The following KLF12 variants were observed in gnomAD, a reference collection of about 807,000 sequenced individuals.
The protein encoded by KLF12 is KLF transcription factor 12, also known as Krueppel-like factor 12.
Under a neutral mutation model 37.8 loss-of-function variants are expected in KLF12, and 9 were observed. The ratio of observed to expected loss-of-function variants is 0.24; its 90% CI spans 0.14 to 0.42. The LOEUF is 0.42. Among genes scored for constraint, KLF12 ranks in the 10% least tolerant of loss-of-function variants. KLF12 has a pLI of 1.00. For missense variants in KLF12, 411 were observed against 516.0 expected, an observed-to-expected ratio of 0.80 and a Z score of 1.97; for synonymous variants, 208 against 202.1, an observed-to-expected ratio of 1.03 and a Z score of -0.25.
At chr13:73,832,264 A>T (rs1305495209) in intron 4 of KLF12, among the ~76,000 whole-genome samples, 1 of 152,108 alleles carries the variant, frequency 6.6e-6, no homozygotes, top group Admixed American at 6.5e-5. Context: ...AAACACTCCT[A>T]CCTACTTTGA....
the KLF12 span, among the ~76,000 whole-genome samples, chr13:74,216,234 A>C: frequency 3.9e-5 from 6 of 152,218 alleles, no homozygotes; most frequent in Non-Finnish European, 7.3e-5. Context: ...ACTTTTAAAA[A>C]GTCTTTTTAA....
chr13:74,088,479 C>A (rs955075946), intron 1 of KLF12, among the ~76,000 whole-genome samples: 10 of 152,148 alleles, frequency 6.6e-5, no homozygotes, highest in Non-Finnish European at 2.9e-5. Flanking sequence ...CCGCCCACCA[C>A]AGCTTCCCAA....
At chr13:74,299,169 A>T in the KLF12 span, among the ~76,000 whole-genome samples, 1 of 152,176 alleles carries the variant, frequency 6.6e-6, no homozygotes, top group Non-Finnish European at 1.5e-5. Flanking sequence ...AAATAGCAGC[A>T]TGTTTAGTAT....
At chr13:73,772,200 A>C (rs1314916361) in intron 5 of KLF12, among the ~76,000 whole-genome samples, 1 of 152,202 alleles carries the variant, frequency 6.6e-6, no homozygotes, top group Non-Finnish European at 1.5e-5. Context: ...TTACTTACTC[A>C]TTAATTCAAA....
At chr13:74,074,735 G>A (rs1031364968) in intron 1 of KLF12, among the ~76,000 whole-genome samples, 1 of 152,142 alleles carries the variant, frequency 6.6e-6, no homozygotes, top group African/African-American at 2.4e-5. Flanking sequence ...AGATTATGGA[G>A]GATTCATGGA....
chr13:73,870,199 T>C (rs2138867283), intron 3 of KLF12, among the ~76,000 whole-genome samples: 1 of 152,318 alleles, frequency 6.6e-6, no homozygotes, highest in East Asian at 1.9e-4. Context: ...TCTTCCTTCT[T>C]ATTCAGAACA....
At chr13:73,829,241 A>G (rs776368757) in intron 4 of KLF12, among the ~76,000 whole-genome samples, 19 of 152,240 alleles carry the variant, frequency 1.2e-4, no homozygotes, top group Admixed American at 5.9e-4. Flanking sequence ...TCCCGGGTAA[A>G]GCAAAAGGCT....
At chr13:74,221,064 G>C in the KLF12 span, among the ~76,000 whole-genome samples, 1 of 151,128 alleles carries the variant, frequency 6.6e-6, no homozygotes, top group African/African-American at 2.4e-5. Context: ...GAGTGCAGTG[G>C]TGCTATCTCG....
At chr13:74,137,418 A>G (rs926250772), upstream of KLF12, among the ~76,000 whole-genome samples, 2 of 152,226 alleles carry the variant, frequency 1.3e-5, no homozygotes, top group Admixed American at 6.5e-5. Flanking sequence ...AACTATATAT[A>G]AAAACTTCAT....
At chr13:74,049,766 G>A (rs1371287107) in intron 1 of KLF12, among the ~76,000 whole-genome samples, 2 of 152,116 alleles carry the variant, frequency 1.3e-5, no homozygotes, top group African/African-American at 4.8e-5. Context: ...GATAAGAACA[G>A]CATCAACCAA....
At chr13:74,269,320 C>G in the KLF12 span, among the ~76,000 whole-genome samples, 4 of 152,280 alleles carry the variant, frequency 2.6e-5, no homozygotes, top group East Asian at 7.7e-4. Flanking sequence ...ACATATTTAA[C>G]TAATCTACCT....
At chr13:73,744,382 T>G (rs1432828562) in intron 6 of KLF12, among the ~76,000 whole-genome samples, 19 of 152,196 alleles carry the variant, frequency 1.2e-4, no homozygotes, top group Non-Finnish European at 1.5e-5. Context: ...TGTGAATTTC[T>G]CATGAGGGCA....
chr13:73,918,340 G>T (rs1888946199), intron 3 of KLF12, among the ~76,000 whole-genome samples: 1 of 151,852 alleles, frequency 6.6e-6, no homozygotes. Context: ...TTTCTACCTT[G>T]AAGTTCCACC....
the KLF12 span, among the ~76,000 whole-genome samples, chr13:74,142,439 C>T: frequency 3.0e-4 from 46 of 152,318 alleles, 1 homozygote; most frequent in Middle Eastern, 0.014. Flanking sequence ...ATTCTGTGAC[C>T]TTTGACAGGT....
At chr13:73,977,962 A>G (rs1891583516) in intron 2 of KLF12, among the ~76,000 whole-genome samples, 1 of 152,254 alleles carries the variant, frequency 6.6e-6, no homozygotes, top group East Asian at 1.9e-4. Flanking sequence ...CCTTTTATAC[A>G]AATTAACTCC....
intron 2 of KLF12, among the ~76,000 whole-genome samples, chr13:73,964,868 GA>G (rs766667766): frequency 6.6e-6 from 1 of 152,266 alleles, no homozygotes; most frequent in East Asian, 1.9e-4. Context: ...GCACATTAAA[GA>G]GAATCTGACA....
intron 6 of KLF12, among the ~76,000 whole-genome samples, chr13:73,753,621 G>T: frequency 6.7e-6 from 1 of 149,690 alleles, no homozygotes; most frequent in South Asian, 2.1e-4. Flanking sequence ...GGGAACAGAT[G>T]AATGAACACA....
At chr13:74,295,455 A>C in the KLF12 span, among the ~76,000 whole-genome samples, 3 of 152,064 alleles carry the variant, frequency 2.0e-5, no homozygotes, top group African/African-American at 7.2e-5. Flanking sequence ...GAGCCTTTGT[A>C]CTTGGGCAGA....
chr13:73,927,361 C>A (rs928095134), intron 3 of KLF12, among the ~76,000 whole-genome samples: 1 of 152,110 alleles, frequency 6.6e-6, no homozygotes, highest in African/African-American at 2.4e-5. Flanking sequence ...GAGGAACGTA[C>A]CCTCTCTTAC....
Sources: gnomAD v4.1 joint callset for allele counts (sites outside exome capture counted in the v4.1 genomes callset) on GRCh38, gnomAD v4.1.1 for gene constraint, MANE v1.5 for transcripts, NCBI Gene and HGNC (gene_info 2026-07-23, HGNC 2026-07-21) for gene names.